Variants in KLHL29 observed in about 807,000 individuals in gnomAD.
KLHL29 encodes kelch like family member 29.
KLHL29 carries 21 observed loss-of-function variants against 80.4 expected under a neutral mutation model. That is an observed-to-expected ratio of 0.26 (90% CI 0.19 to 0.38). KLHL29 has a LOEUF of 0.38. Among genes scored for constraint, KLHL29 ranks in the 10% least tolerant of loss-of-function variants. The pLI, the probability that KLHL29 is intolerant of heterozygous loss-of-function variation, is 1.00. For missense variants in KLHL29, 867 were observed against 1,223.9 expected, an observed-to-expected ratio of 0.71 and a Z score of 4.35; for synonymous variants, 511 against 526.8, an observed-to-expected ratio of 0.97 and a Z score of 0.41.
At position 23,706,694 on chromosome 2, in the gene KLHL29, G is replaced by A. The variant is rs1399226824; in HGVS notation, c.*30G>A. ...AGCAGAAAGCCCACGATAAGACTGTGGACAAGTCTGGTGAGGCAAGTGCCA... is the reference window on the plus strand; with the variant it reads ...AGCAGAAAGCCCACGATAAGACTGTAGACAAGTCTGGTGAGGCAAGTGCCA... On this transcript the variant is annotated 3_prime_UTR_variant, in exon 14 of 14. Transcript: ENST00000486442. 3 of 1,452,874 alleles carry A rather than the reference G, an allele frequency of 2.1e-6. No homozygotes were observed. The highest frequency in any genetic ancestry group is 2.8e-5 in the South Asian group (2 of 71,948). 90.0% of individuals were successfully genotyped at this position (1,452,874 alleles called of 1,614,324 possible). A position where few individuals can be genotyped will look rare whatever the true frequency, so the allele number is the denominator to read the frequency against.
chr2:23,678,690 C>T (rs1248906335), intron 5 of KLHL29, among the ~76,000 whole-genome samples: 1 of 152,204 alleles, frequency 6.6e-6, no homozygotes, highest in East Asian at 1.9e-4. Flanking sequence ...AATGGTTAAA[C>T]AGTATGTGGT....
chr2:23,675,506 G>GT (rs1177528707), intron 5 of KLHL29, among the ~76,000 whole-genome samples: 1 of 152,194 alleles, frequency 6.6e-6, no homozygotes, highest in Non-Finnish European at 1.5e-5. Flanking sequence ...TCTGTTCTTG[G>GT]TTTTTGTTTG....
rs958288701 is a variant in KLHL29, at chr2:23,669,021, A to G, written c.941-15378A>G. The stretch of plus-strand genomic sequence containing the variant: ...TGTGGCCCATGGTGGGCCGAGCAGC[A>G]CCTTCCTCATCCCTGGGCCGGGGGC... On this transcript the variant is annotated intron_variant, in intron 5 of 13. Coordinates refer to ENST00000486442, the MANE Select transcript of KLHL29 (RefSeq NM_052920.2). The surrounding 1 kb of genome is among the most constrained non-coding windows in gnomAD (Gnocchi z 4.3). 1 of 152,348 alleles carries G rather than the reference A, an allele frequency of 6.6e-6. No individual in the cohort carries two copies. Among genetic ancestry groups the G allele is most frequent in the African/African-American group, 2.4e-5 (1 of 41,434 alleles). The allele number at this position is 152,348 out of a possible 1,614,324, so 9.4% of individuals were successfully genotyped here.
intron 2 of KLHL29, among the ~76,000 whole-genome samples, chr2:23,543,903 G>A (rs55785228): frequency 0.014 from 2,157 of 152,252 alleles, 25 homozygotes; most frequent in Non-Finnish European, 0.024. Context: ...TGCCCACCCC[G>A]GGCTGGTGAT....
At chr2:23,466,689 G>T (rs1337664480) in intron 1 of KLHL29, among the ~76,000 whole-genome samples, 1 of 152,156 alleles carries the variant, frequency 6.6e-6, no homozygotes, top group Non-Finnish European at 1.5e-5. Context: ...GAATCTACAG[G>T]TATCTTTGTT....
intron 2 of KLHL29, among the ~76,000 whole-genome samples, chr2:23,478,382 A>T (rs577030812): frequency 6.6e-6 from 1 of 152,256 alleles, no homozygotes; most frequent in East Asian, 1.9e-4. Flanking sequence ...CCTGGGGATC[A>T]GTGGAAGCAG....
chr2:23,430,178 C>G (rs1237418647), intron 1 of KLHL29, among the ~76,000 whole-genome samples: 2 of 152,306 alleles, frequency 1.3e-5, no homozygotes, highest in African/African-American at 4.8e-5. Flanking sequence ...TCCTGGGCCT[C>G]ACTTCCAGAG....
chr2:23,427,956 C>G (rs1366162505), intron 1 of KLHL29, among the ~76,000 whole-genome samples: 1 of 152,116 alleles, frequency 6.6e-6, no homozygotes, highest in Non-Finnish European at 1.5e-5. Context: ...GGGCGGCTCC[C>G]GTTTAATAGA....
chr2:23,473,775 C>G (rs147964717), intron 1 of KLHL29, among the ~76,000 whole-genome samples: 19 of 152,288 alleles, frequency 1.2e-4, no homozygotes, highest in African/African-American at 4.6e-4. Flanking sequence ...TCACAGTAGC[C>G]TACAGGGCCC....
intron 1 of KLHL29, among the ~76,000 whole-genome samples, chr2:23,461,225 G>C (rs1176739786): frequency 2.6e-5 from 4 of 152,206 alleles, no homozygotes; most frequent in African/African-American, 9.6e-5. Flanking sequence ...CTGAGGCAGA[G>C]GGGTCGGGTA....
intron 1 of KLHL29, among the ~76,000 whole-genome samples, chr2:23,425,370 G>A (rs1428599560): frequency 6.6e-6 from 1 of 151,996 alleles, no homozygotes; most frequent in Non-Finnish European, 1.5e-5. Context: ...TGAGGGTGGG[G>A]AACAACCAGT....
chr2:23,553,063 G>A (rs62125428), intron 2 of KLHL29, among the ~76,000 whole-genome samples: 35,837 of 151,938 alleles, frequency 0.24, 4,811 homozygotes, highest in Non-Finnish European at 0.3. Flanking sequence ...CCCGGCCACG[G>A]CTCTGGTTTC....
chr2:23,516,751 G>A (rs1357373873), intron 2 of KLHL29, among the ~76,000 whole-genome samples: 2 of 152,246 alleles, frequency 1.3e-5, no homozygotes, highest in African/African-American at 4.8e-5. Flanking sequence ...AGGTCCTCCA[G>A]GGCCCTCATC....
rs1672859096 is a variant in KLHL29 at position 23,708,472 on chromosome 2, A to G, written c.*1808A>G. On this transcript the variant is annotated 3_prime_UTR_variant, in exon 14 of 14. Transcript: ENST00000486442. The stretch of plus-strand genomic sequence containing the variant: ...GACATTGAAATTCGTTTCTCTCCTC[A>G]TCTATCACACTGGAGCAAAACTGGC... 1 of 152,214 alleles carries G rather than the reference A, an allele frequency of 6.6e-6. No individual in the cohort carries two copies. Among genetic ancestry groups the G allele is most frequent in the African/African-American group, 2.4e-5 (1 of 41,440 alleles). The allele number at this position is 152,214 out of a possible 1,614,324, so 9.4% of individuals were successfully genotyped here.
intron 1 of KLHL29, among the ~76,000 whole-genome samples, chr2:23,459,339 GGT>G (rs1197089501): frequency 6.6e-6 from 1 of 152,176 alleles, no homozygotes; most frequent in Non-Finnish European, 1.5e-5. Context: ...TCAGAGGAGA[GGT>G]GGGACTGGAG....
intron 3 of KLHL29, among the ~76,000 whole-genome samples, chr2:23,625,348 C>T (rs951607919): frequency 6.6e-6 from 1 of 152,152 alleles, no homozygotes; most frequent in African/African-American, 2.4e-5. Context: ...TTTCTGAACA[C>T]GAGAGTGGGC....
intron 3 of KLHL29, among the ~76,000 whole-genome samples, chr2:23,605,376 G>A (rs1668682156): frequency 6.6e-6 from 1 of 151,988 alleles, no homozygotes; most frequent in African/African-American, 2.4e-5. Context: ...GAGATCACAG[G>A]CATGAGCCAC....
intron 2 of KLHL29, among the ~76,000 whole-genome samples, chr2:23,482,525 A>G (rs1391892320): frequency 2.0e-5 from 3 of 152,186 alleles, no homozygotes; most frequent in African/African-American, 7.2e-5. Flanking sequence ...AAAAGCATCC[A>G]TCGGGGAAAG....
At chr2:23,442,091 G>C (rs989962053) in intron 1 of KLHL29, among the ~76,000 whole-genome samples, 3 of 151,980 alleles carry the variant, frequency 2.0e-5, no homozygotes, top group African/African-American at 7.3e-5. Context: ...TAATCACCAG[G>C]GTCCTTTATT....
Sources: allele counts gnomAD v4.1 joint callset (sites outside exome capture counted in the v4.1 genomes callset), GRCh38; gene constraint gnomAD v4.1.1; non-coding constraint Gnocchi (gnomAD v3.1); transcripts MANE v1.5; gene names NCBI Gene and HGNC (gene_info 2026-07-23, HGNC 2026-07-21).